UGP2: variants seen among roughly 807,000 people sequenced by gnomAD.
The protein encoded by UGP2 is UDP-glucose pyrophosphorylase 2.
In UGP2, 40 loss-of-function variants were observed where a neutral mutation model predicts 49.0. The ratio of observed to expected loss-of-function variants is 0.82; its 90% CI spans 0.63 to 1.06. The LOEUF (loss-of-function observed/expected upper bound fraction) is 1.06. Ranked by LOEUF, UGP2 falls within the 50% of genes least tolerant of loss-of-function variation. The probability of loss-of-function intolerance (pLI) is 0.00; values close to 1 mark genes in which losing one functional copy is unlikely to be tolerated. For synonymous variants in UGP2, 225 were observed against 213.0 expected, an observed-to-expected ratio of 1.06 and a Z score of -0.49; for missense variants, 460 against 603.5, an observed-to-expected ratio of 0.76 and a Z score of 2.49.
intron 3 of UGP2, among the ~76,000 whole-genome samples, chr2:63,880,094 T>C (rs1295440853): frequency 6.6e-6 from 1 of 152,124 alleles, no homozygotes; most frequent in African/African-American, 2.4e-5. Context: ...AAACTAATAA[T>C]AGGCTACTTA....
chr2:63,873,910 T>G (rs534075502), intron 3 of UGP2, among the ~76,000 whole-genome samples: 1 of 152,324 alleles, frequency 6.6e-6, no homozygotes, highest in South Asian at 2.1e-4. Flanking sequence ...TCTGTCTGGC[T>G]GCTCTGCCAC....
chr2:63,868,870 A>C (rs1006774645), intron 3 of UGP2, among the ~76,000 whole-genome samples: 1 of 151,930 alleles, frequency 6.6e-6, no homozygotes, highest in Non-Finnish European at 1.5e-5. Flanking sequence ...GCTACTTGGG[A>C]GGCTGAGGCA....
At chr2:63,856,730 C>T in intron 2 of UGP2, 1 of 486,370 alleles carries the variant, frequency 2.1e-6, no homozygotes, top group Non-Finnish European at 4.0e-6. Context: ...AAATGCATAC[C>T]TGTGTTCAGT....
At chr2:63,889,154 G>A (rs1167035674) in intron 8 of UGP2, 2 of 152,202 alleles carry the variant, frequency 1.3e-5, no homozygotes, top group Non-Finnish European at 2.9e-5. Flanking sequence ...CAGTATGGAG[G>A]TTTGGGAGCC....
intron 3 of UGP2, among the ~76,000 whole-genome samples, chr2:63,859,546 C>G (rs1669689042): frequency 6.6e-6 from 1 of 152,078 alleles, no homozygotes; most frequent in African/African-American, 2.4e-5. Flanking sequence ...GAAGAGGAAT[C>G]ATGGGATTTT....
At position 63,882,602 on chromosome 2, in the gene UGP2, G is replaced by C. The variant is rs533756550; in HGVS notation, c.392G>C (p.Gly131Ala). ...MGCKGPKSLI[G>A]VRNENTFLDL... Reference sequence around the variant, plus strand: ...TGCAAAGGCCCTAAAAGTCTGATTGGTGTGAGGAATGAGAATACCTTTCTG... The same window carrying C: ...TGCAAAGGCCCTAAAAGTCTGATTGCTGTGAGGAATGAGAATACCTTTCTG... Residue 131 changes from glycine (G) to alanine (A), a missense_variant, in exon 4 of 10, where the codon GGT becomes GCT. This residue lies in a region of UGP2 where 317 missense variants were observed against 473.0 expected (regional missense o/e 0.67). Transcript: ENST00000337130. The C allele has an allele frequency of 1.2e-6, 2 of 1,607,244 alleles. No individual in the cohort carries two copies. The highest frequency in any genetic ancestry group is 2.2e-5 in the South Asian group (2 of 89,976).
At chr2:63,886,237 A>G (rs931980280) in intron 6 of UGP2, 104 bp from the exon 7 acceptor site, 2 of 1,132,324 alleles carry the variant, frequency 1.8e-6, no homozygotes, top group African/African-American at 3.1e-5. Flanking sequence ...CTCTGTTTCT[A>G]CATAATGTAT....
At chr2:63,884,146 C>T in intron 5 of UGP2, 53 bp downstream of exon 5, 1 of 1,598,138 alleles carries the variant, frequency 6.3e-7, no homozygotes, top group African/African-American at 1.3e-5. Context: ...GAAAGGACTT[C>T]TTTATCTTGT....
chr2:63,874,435 A>T (rs3924029), intron 3 of UGP2, among the ~76,000 whole-genome samples: 7,633 of 152,250 alleles, frequency 0.05, 343 homozygotes, highest in African/African-American at 0.11. Context: ...AGTATGTTAT[A>T]TTGCCATAGA....
chr2:63,840,995 G>A (rs1439406533), upstream of UGP2: 2 of 152,338 alleles, frequency 1.3e-5, no homozygotes, highest in Non-Finnish European at 2.9e-5. Context: ...TCCGAATGGA[G>A]GGGGAGGGGA....
chr2:63,850,170 T>G (rs572470160), intron 1 of UGP2, among the ~76,000 whole-genome samples: 1 of 152,374 alleles, frequency 6.6e-6, no homozygotes, highest in African/African-American at 2.4e-5. Flanking sequence ...TAATTGTTAA[T>G]CAGAAGACTG....
intron 5 of UGP2, 120 bp downstream of exon 5, chr2:63,884,213 T>G: frequency 8.4e-7 from 1 of 1,184,790 alleles, no homozygotes; most frequent in Admixed American, 2.6e-5. Flanking sequence ...TCACAAGTGT[T>G]TGATGCCCAT....
chr2:63,885,504 ATTTAAC>A (rs1671614568), intron 5 of UGP2, 79 bp from the exon 6 acceptor site: 1 of 1,089,934 alleles, frequency 9.2e-7, no homozygotes, highest in Non-Finnish European at 1.2e-6. Context: ...GTGAAATTTT[ATTTAAC>A]TTTAATGTAT....
intron 6 of UGP2, 35 bp from the exon 7 acceptor site, chr2:63,886,306 G>C (rs1671667593): frequency 3.1e-6 from 5 of 1,600,904 alleles, no homozygotes; most frequent in Non-Finnish European, 4.3e-6. Context: ...ACTTGAGACT[G>C]ATGTGGAGGC....
chr2:63,872,035 C>T (rs1004093234), intron 3 of UGP2, among the ~76,000 whole-genome samples: 7 of 152,296 alleles, frequency 4.6e-5, no homozygotes, highest in African/African-American at 9.6e-5. Flanking sequence ...TATATGTAAA[C>T]GAATGAGTAT....
At chr2:63,882,127 T>A (rs563107101) in intron 3 of UGP2, among the ~76,000 whole-genome samples, 1 of 152,380 alleles carries the variant, frequency 6.6e-6, no homozygotes, top group Admixed American at 6.5e-5. Flanking sequence ...GATCATTTGC[T>A]ATGTTGATGC....
At chr2:63,863,846 G>A (rs1248769443) in intron 3 of UGP2, among the ~76,000 whole-genome samples, 1 of 152,148 alleles carries the variant, frequency 6.6e-6, no homozygotes, top group African/African-American at 2.4e-5. Context: ...TGTGCCAGGA[G>A]AATACCTGTG....
chr2:63,857,622 C>A, intron 2 of UGP2: 1 of 601,898 alleles, frequency 1.7e-6, no homozygotes, highest in Non-Finnish European at 3.1e-6. Flanking sequence ...GCCTGAGCCT[C>A]CCAAAGTGCT....
At chr2:63,862,917 T>G in intron 3 of UGP2, 1 of 453,102 alleles carries the variant, frequency 2.2e-6, no homozygotes. Flanking sequence ...GAACAGATTG[T>G]GACGTAAGCA....
Sources: allele counts gnomAD v4.1 joint callset (sites outside exome capture counted in the v4.1 genomes callset), GRCh38; gene constraint gnomAD v4.1.1; regional missense constraint gnomAD v4.1.1; transcripts MANE v1.5; gene names NCBI Gene and HGNC (gene_info 2026-07-23, HGNC 2026-07-21).